Variants in NBPF26 observed in about 807,000 individuals in gnomAD.
NBPF26 encodes NBPF family member NBPF26.
In NBPF26, 79 loss-of-function variants were observed where a neutral mutation model predicts 119.6. The observed-to-expected ratio is 0.66, with a 90% confidence interval of 0.55 to 0.80. NBPF26 has a LOEUF of 0.80. Ranked by LOEUF, NBPF26 falls within the 30% of genes least tolerant of loss-of-function variation. The pLI is 0.00. For synonymous variants in NBPF26, 299 were observed against 457.7 expected (o/e 0.65, Z 4.43); for missense variants, 800 against 1,198.2 (o/e 0.67, Z 4.91).
intron 7 of NBPF26, among the ~76,000 whole-genome samples, chr1:120,809,586 C>CT (rs1651805387): frequency 6.6e-6 from 1 of 151,766 alleles, no homozygotes; most frequent in Non-Finnish European, 1.5e-5. Context: ...AGCAAAAGGT[C>CT]TTTTCAGTAT....
intron 10 of NBPF26, among the ~76,000 whole-genome samples, chr1:120,812,912 G>T (rs1651903816): frequency 1.0e-5 from 1 of 95,440 alleles, no homozygotes; most frequent in Non-Finnish European, 1.9e-5. Flanking sequence ...GACAGGGCAA[G>T]ACTGCTAAAA....
Position 120,790,577 on chromosome 1 carries a change from T to TTTCG in NBPF26, c.416-2581_416-2580insGTTC, listed in dbSNP as rs1465523591. 1.0e-4 allele frequency among the ~76,000 whole-genome samples: 11 copies of TTTCG among 107,326 alleles called. 1 individual carries two copies. Among genetic ancestry groups the TTTCG allele is most frequent in the South Asian group, 5.5e-4 (2 of 3,666 alleles). 70.4% of individuals were successfully genotyped at this position (107,326 alleles called of 152,430 possible). On this transcript the variant is annotated intron_variant, in intron 3 of 29. Transcript: ENST00000620612. ...CTTTCTTTCTTTCTTTCTTTCTTTC[T>TTTCG]TTCTTTCTTTCTTTCTCTTTCTCTC... is the stretch of plus-strand genomic sequence containing the variant.
rs1388273732 is a variant in NBPF26 at position 120,823,876 on chromosome 1, T to C, written c.2640-98T>C. 2.9e-3 allele frequency: 1,496 copies of C among 519,220 alleles called. 166 individuals are homozygous for C. Among genetic ancestry groups the C allele is most frequent in the East Asian group, 0.012 (411 of 33,458 alleles). The allele number at this position is 519,220 out of a possible 1,614,324, so 32.2% of individuals were successfully genotyped here. On this transcript the variant is annotated intron_variant, in intron 17 of 29. Coordinates refer to ENST00000620612, the Ensembl canonical transcript of NBPF26. ...CTCATTAATGGATCTGTCCTTTTTC[T>C]TTTCAAACTCTTCCTTACATTAGCC...
rs1348946141 is a variant in NBPF26, at chr1:120,805,724, C to T, written c.920C>T (p.Thr307Ile). 4.8e-6 allele frequency: 7 copies of T among 1,450,100 alleles called. No homozygotes were observed. The Admixed American group carries it at 7.3e-5, about 15-fold the overall frequency. The allele number at this position is 1,450,100 out of a possible 1,614,324, so 89.8% of individuals were successfully genotyped here. ...AACCTCAAAGAGAAATGTTTTCTAA[C>T]TCAACTGGCCGGCTTCCTGGCCAAC... The change falls in exon 5 of 30, where the codon ACT becomes ATT. Residue 307 changes from threonine (T) to isoleucine (I), a missense_variant. Around this residue, in one of 13 missense-constraint regions of NBPF26, gnomAD observed 155 missense variants for 143.7 expected, o/e 1.08. Transcript: ENST00000620612.
intron 10 of NBPF26, 90 bp downstream of exon 10, chr1:120,812,185 T>A: frequency 1.1e-6 from 1 of 902,324 alleles, no homozygotes; most frequent in South Asian, 1.4e-5. Flanking sequence ...TCAAAAATAA[T>A]GTCATCCTCC....
chr1:120,793,227 C>A, exon 4 of NBPF26: 1 of 1,441,560 alleles, frequency 6.9e-7, no homozygotes, highest in Non-Finnish European at 9.3e-7. Flanking sequence ...ACCTGTACCA[C>A]TGTGGCCAAC....
rs1372223844 is a variant in NBPF26 at position 120,724,804 on chromosome 1, C to G, written c.73+554C>G. 8.1e-5 allele frequency among the ~76,000 whole-genome samples: 8 copies of G among 99,328 alleles called. 2 individuals carry two copies. Among genetic ancestry groups the G allele is most frequent in the Non-Finnish European group, 1.2e-4 (6 of 51,572 alleles). 65.2% of individuals were successfully genotyped at this position (99,328 alleles called of 152,430 possible). On this transcript the variant is annotated intron_variant, in intron 1 of 29. Coordinates refer to ENST00000620612, the Ensembl canonical transcript of NBPF26. ...TTTGCGGCGCGCCTGAGTTTTGACACTCCAACCCCACCGAAAGTCCGGGGG... is the reference window on the plus strand; with the variant it reads ...TTTGCGGCGCGCCTGAGTTTTGACAGTCCAACCCCACCGAAAGTCCGGGGG...
intron 1 of NBPF26, among the ~76,000 whole-genome samples, chr1:120,763,412 G>C (rs1651154245): frequency 9.3e-6 from 1 of 107,644 alleles, no homozygotes; most frequent in African/African-American, 6.0e-5. Context: ...AGAAATAAGA[G>C]CATCATTCAA....
chr1:120,728,577 CCTGTATTA>C lies in NBPF26; in HGVS notation c.73+4338_73+4345del, dbSNP rs1384967836. Reference sequence around the variant, plus strand: ...TCACTCAAGTTTGCTTCCACTGCTTCCTGTATTACTGTATTACTAGGCCAGCAATTTCT... The same window carrying C: ...TCACTCAAGTTTGCTTCCACTGCTTCCTGTATTACTAGGCCAGCAATTTCT... On this transcript the variant is annotated intron_variant, in intron 1 of 29. Transcript: ENST00000620612. 2.9e-4 allele frequency among the ~76,000 whole-genome samples: 34 copies of C among 117,856 alleles called. 8 individuals carry two copies. Among genetic ancestry groups the C allele is most frequent in the Admixed American group, 2.5e-3 (31 of 12,378 alleles). 77.3% of individuals were successfully genotyped at this position (117,856 alleles called of 152,430 possible).
chr1:120,812,065 G>A lies in NBPF26; in HGVS notation c.1744G>A (p.Gly582Ser), dbSNP rs1553271073. 172 of 1,273,072 alleles carry A rather than the reference G, an allele frequency of 1.4e-4. 51 individuals carry two copies. The African/African-American group carries it at 2.7e-3, about 20-fold the overall frequency. The allele number at this position is 1,273,072 out of a possible 1,614,324, so 78.9% of individuals were successfully genotyped here. Residue 582 changes from glycine to serine, a missense_variant, in exon 10 of 30, where the codon GGC becomes AGC. Gly to Ser is a moderately conservative substitution (Grantham distance 56). Transcript: ENST00000620612. ...GAAATGTTTTCTAACTCAACTGGCC[G>A]GCTTCCTGGCCAACCAGCAGAACAA... is the stretch of plus-strand genomic sequence containing the variant.
rs1452359338 is a variant in NBPF26 at position 120,784,951 on chromosome 1, G to A, written c.156-23G>A. The A allele has an allele frequency of 8.6e-5, 114 of 1,330,688 alleles. 19 individuals carry two copies. Among genetic ancestry groups the A allele is most frequent in the Non-Finnish European group, 1.1e-4 (107 of 983,140 alleles). The allele number at this position is 1,330,688 out of a possible 1,614,324, so 82.4% of individuals were successfully genotyped here. A position where few individuals can be genotyped will look rare whatever the true frequency, so the allele number is the denominator to read the frequency against. On this transcript the variant is annotated intron_variant, in intron 2 of 29. Coordinates refer to ENST00000620612, the Ensembl canonical transcript of NBPF26. The stretch of plus-strand genomic sequence containing the variant: ...CTTACAAGAAGTCAGGTGTTTTCAT[G>A]GACTCTTCTCTTTTCCATACAGATG...
At chr1:120,787,677 AT>A (rs1204820911) in intron 3 of NBPF26, among the ~76,000 whole-genome samples, 3 of 34,170 alleles carry the variant, frequency 8.8e-5, no homozygotes, top group African/African-American at 3.7e-4. Flanking sequence ...TAATTAGGTC[AT>A]AATTACACCT....
In NBPF26 at chr1:120,793,381, C is replaced by T; in HGVS notation, c.636C>T (p.Gly212=). ...CCTACCAGTGCCAGTGCCTTCAGGG[C>T]TTCACAGGCCAGTACTGTGACAGAC... is the stretch of plus-strand genomic sequence containing the variant. Residue 212 remains glycine, a synonymous_variant, in exon 4 of 30, where the codon GGC becomes GGT. Transcript: ENST00000620612. 5 of 1,434,430 alleles carry T rather than the reference C, an allele frequency of 3.5e-6. 1 individual carries two copies. Among genetic ancestry groups the T allele is most frequent in the African/African-American group, 2.6e-5 (1 of 37,798 alleles). The allele number at this position is 1,434,430 out of a possible 1,614,324, so 88.9% of individuals were successfully genotyped here.
At position 120,806,354 on chromosome 1, in the gene NBPF26, G is replaced by A. The variant is rs1235641056; in HGVS notation, c.961+589G>A. 9.1e-5 allele frequency among the ~76,000 whole-genome samples: 10 copies of A among 110,356 alleles called. 1 individual carries two copies. Among genetic ancestry groups the A allele is most frequent in the Non-Finnish European group, 1.2e-4 (7 of 56,102 alleles). The allele number at this position is 110,356 out of a possible 152,430, so 72.4% of individuals were successfully genotyped here. A position where few individuals can be genotyped will look rare whatever the true frequency, so the allele number is the denominator to read the frequency against. ...TCACTCCTATAATCTCAGCACTTTG[G>A]GAGGCTGAGGCGGGCAGAGCACGAG... On this transcript the variant is annotated intron_variant, in intron 5 of 29. Coordinates refer to ENST00000620612, the Ensembl canonical transcript of NBPF26.
Position 120,769,906 on chromosome 1 carries a change from GAGGCAAGTA to G in NBPF26, c.155+6203_155+6211del, listed in dbSNP as rs1651242481. Among the ~76,000 whole-genome samples the G allele has an allele frequency of 1.9e-5, 2 of 106,256 alleles. 1 individual carries two copies. Among genetic ancestry groups the G allele is most frequent in the South Asian group, 5.9e-4 (2 of 3,366 alleles). The allele number at this position is 106,256 out of a possible 152,430, so 69.7% of individuals were successfully genotyped here. On this transcript the variant is annotated intron_variant, in intron 2 of 29. Transcript: ENST00000620612. ...TGAATGGCAGGGCTGGGACCATGGT[GAGGCAAGTA>G]AGGCACAGGCCTCTCTTGTGAAATT...
chr1:120,788,021 GT>G (rs1250769667), intron 3 of NBPF26, among the ~76,000 whole-genome samples: 45,964 of 65,672 alleles, frequency 0.7, 18,798 homozygotes, highest in African/African-American at 0.75. Context: ...AGCAGGTTGT[GT>G]TTTTTTTTTT....
At chr1:120,783,993 GT>G (rs1651394661) in intron 2 of NBPF26, among the ~76,000 whole-genome samples, 1 of 111,694 alleles carries the variant, frequency 9.0e-6, no homozygotes, top group Non-Finnish European at 1.7e-5. Context: ...TAGAATTAAA[GT>G]TTTGTTGCAG....
chr1:120,807,611 T>A lies in NBPF26; in HGVS notation c.966T>A (p.Tyr322Ter), dbSNP rs1368225545. Residue 322 changes from tyrosine to a stop codon, truncating the protein, a stop_gained, in exon 6 of 30, where the codon TAT becomes TAA. Transcript: ENST00000620612. LOFTEE classifies it high-confidence loss of function. ...GGTGTGTCTGTCTTTTCTCAGAGTATGAAGAGTGTAAAGACCTCATAAAAT... is the reference window on the plus strand; with the variant it reads ...GGTGTGTCTGTCTTTTCTCAGAGTAAGAAGAGTGTAAAGACCTCATAAAAT... 6.0e-6 allele frequency: 9 copies of A among 1,489,856 alleles called. 1 individual carries two copies. In the Middle Eastern group the frequency reaches 1.8e-3, roughly 306 times the overall value. The allele number at this position is 1,489,856 out of a possible 1,614,324, so 92.3% of individuals were successfully genotyped here. A position where few individuals can be genotyped will look rare whatever the true frequency, so the allele number is the denominator to read the frequency against.
In NBPF26 at chr1:120,763,112, C is replaced by T. The variant is rs1320977612; in HGVS notation, c.74-516C>T. Among the ~76,000 whole-genome samples the T allele has an allele frequency of 5.6e-5, 3 of 53,376 alleles. 1 individual carries two copies. Among genetic ancestry groups the T allele is most frequent in the Non-Finnish European group, 3.2e-5 (1 of 31,230 alleles). The allele number at this position is 53,376 out of a possible 152,430, so 35.0% of individuals were successfully genotyped here. The stretch of plus-strand genomic sequence containing the variant: ...CTTTTTTCTGGATCCTAATTTTGTG[C>T]CTGGTGCATACTAGGCTCTCAATTT... On this transcript the variant is annotated intron_variant, in intron 1 of 29. Coordinates refer to ENST00000620612, the Ensembl canonical transcript of NBPF26.
Sources: gnomAD v4.1 joint callset for allele counts (sites outside exome capture counted in the v4.1 genomes callset) on GRCh38, gnomAD v4.1.1 for gene constraint, gnomAD v4.1.1 regional missense constraint, MANE v1.5 for transcripts, NCBI Gene and HGNC (gene_info 2026-07-23, HGNC 2026-07-21) for gene names.